Variants in CDC42BPA observed in about 807,000 individuals in gnomAD.
CDC42BPA encodes the protein CDC42 binding protein kinase alpha.
A neutral mutation model predicts 223.5 loss-of-function variants in CDC42BPA; 80 were observed. The ratio of observed to expected loss-of-function variants is 0.36; its 90% CI spans 0.30 to 0.43. The LOEUF (loss-of-function observed/expected upper bound fraction) is 0.43, where lower values mean the gene tolerates loss of function less well. CDC42BPA is among the 20% of genes least tolerant of loss of function. The pLI, the probability that CDC42BPA is intolerant of heterozygous loss-of-function variation, is 1.00. For missense variants in CDC42BPA, 1,743 were observed against 2,099.9 expected, an observed-to-expected ratio of 0.83 and a Z score of 3.32; for synonymous variants, 694 against 718.6, an observed-to-expected ratio of 0.97 and a Z score of 0.55.
At chr1:227,268,304 C>CA (rs1466553556) in intron 1 of CDC42BPA, among the ~76,000 whole-genome samples, 2 of 152,078 alleles carry the variant, frequency 1.3e-5, no homozygotes, top group African/African-American at 4.8e-5. Context: ...CGGTGCAGCT[C>CA]ACAAAGCCAA....
In CDC42BPA at chr1:227,091,953, T is replaced by C. The variant is rs1476930195; in HGVS notation, c.2288A>G (p.Gln763Arg). The C allele has an allele frequency of 3.1e-6, 5 of 1,607,832 alleles. No individual in the cohort carries two copies. Among genetic ancestry groups the C allele is most frequent in the Admixed American group, 1.7e-5 (1 of 58,668 alleles). The change falls in exon 16 of 37, where the codon CAA (glutamine) becomes CGA (arginine). Residue 763 changes from glutamine (Q) to arginine (R), a missense_variant. Coordinates refer to ENST00000366766, the MANE Select transcript of CDC42BPA (RefSeq NM_001394014.1). ...CAACACTTTTTCTCGTTCATATTGT[T>C]GTTTGAACTCACTTTCAAATTCCTC... ...EREEFESEFK[Q>R]QYEREKVLLT...
intron 2 of CDC42BPA, among the ~76,000 whole-genome samples, chr1:227,229,898 T>C (rs1293061276): frequency 6.6e-6 from 1 of 152,230 alleles, no homozygotes; most frequent in African/African-American, 2.4e-5. Flanking sequence ...TTCAGAAGTT[T>C]TACTGATTAT....
At chr1:227,165,434 A>G (rs1664862966) in intron 5 of CDC42BPA, among the ~76,000 whole-genome samples, 1 of 151,776 alleles carries the variant, frequency 6.6e-6, no homozygotes, top group East Asian at 1.9e-4. Flanking sequence ...GGCATTTAGT[A>G]CACATAAAAG....
At position 227,145,689 on chromosome 1, in the gene CDC42BPA, T is replaced by C. The variant is rs753888930; in HGVS notation, c.943A>G (p.Lys315Glu). ...CAAATGAGCCTTCGAATAAGATCCTTAGCATTTTCAGACACATCAGTCACT... is the reference window on the plus strand; with the variant it reads ...CAAATGAGCCTTCGAATAAGATCCTCAGCATTTTCAGACACATCAGTCACT... ...AQVTDVSENA[K>E]DLIRRLICSR... The change falls in exon 8 of 37, where the codon AAG (lysine) becomes GAG (glutamate). Residue 315 changes from lysine (K) to glutamate (E), a missense_variant. Transcript: ENST00000366766. 1.2e-6 allele frequency: 2 copies of C among 1,613,670 alleles called. No individual in the cohort carries two copies. Among genetic ancestry groups the C allele is most frequent in the South Asian group, 2.2e-5 (2 of 91,068 alleles).
At chr1:227,313,849 AAC>A (rs61127281) in intron 1 of CDC42BPA, among the ~76,000 whole-genome samples, 22,743 of 152,074 alleles carry the variant, frequency 0.15, 2,040 homozygotes, top group African/African-American at 0.24. Flanking sequence ...AAATTTATTA[AAC>A]AGACTATTTT....
rs34787332 is a variant in CDC42BPA, at chr1:227,230,816, C to CTTTTTTTTTTTTTTTTTTT, written c.271-17598_271-17597insAAAAAAAAAAAAAAAAAAA. Among the ~76,000 whole-genome samples, 66 of 54,054 alleles carry CTTTTTTTTTTTTTTTTTTT rather than the reference C, an allele frequency of 1.2e-3. 7 individuals are homozygous for CTTTTTTTTTTTTTTTTTTT. Among genetic ancestry groups the CTTTTTTTTTTTTTTTTTTT allele is most frequent in the Non-Finnish European group, 1.5e-3 (38 of 26,050 alleles). The allele number at this position is 54,054 out of a possible 152,430, so 35.5% of individuals were successfully genotyped here. Reference sequence around the variant, plus strand: ...ACTGATTTCTATTTCTTTTTTCTTTCTTTCTTTTTTTTTTTTTTTTTTTGA... The same window carrying CTTTTTTTTTTTTTTTTTTT: ...ACTGATTTCTATTTCTTTTTTCTTTCTTTTTTTTTTTTTTTTTTTTTTCTTTTTTTTTTTTTTTTTTTGA... On this transcript the variant is annotated intron_variant, in intron 2 of 36. Coordinates refer to ENST00000366766, the MANE Select transcript of CDC42BPA (RefSeq NM_001394014.1).
chr1:227,113,909 C>T (rs77464064), intron 12 of CDC42BPA, among the ~76,000 whole-genome samples: 8,787 of 147,852 alleles, frequency 0.059, 258 homozygotes, highest in Non-Finnish European at 0.072. Flanking sequence ...CACCTATAGT[C>T]GTAGCTACTA....
At chr1:227,296,797 C>T (rs1490928867) in intron 1 of CDC42BPA, among the ~76,000 whole-genome samples, 2 of 147,376 alleles carry the variant, frequency 1.4e-5, no homozygotes, top group Non-Finnish European at 3.0e-5. Context: ...AAATATCACA[C>T]CAAAAGCACA....
intron 29 of CDC42BPA, among the ~76,000 whole-genome samples, chr1:227,029,457 G>A (rs1299072780): frequency 6.6e-6 from 1 of 152,138 alleles, no homozygotes; most frequent in Non-Finnish European, 1.5e-5. Context: ...TGAGATTTCT[G>A]GCAGCCAAGG....
intron 34 of CDC42BPA, among the ~76,000 whole-genome samples, chr1:227,011,283 T>A (rs1388644142): frequency 1.3e-5 from 2 of 152,218 alleles, no homozygotes; most frequent in East Asian, 3.8e-4. Context: ...ATAAAATTAT[T>A]CTTTAATTAA....
intron 4 of CDC42BPA, among the ~76,000 whole-genome samples, chr1:227,198,030 A>C (rs1289762310): frequency 6.6e-6 from 1 of 152,218 alleles, no homozygotes; most frequent in Non-Finnish European, 1.5e-5. Context: ...ACTATAACCC[A>C]CAATAATATA....
chr1:227,171,498 T>C (rs1666095525), intron 5 of CDC42BPA, among the ~76,000 whole-genome samples: 1 of 152,072 alleles, frequency 6.6e-6, no homozygotes, highest in Non-Finnish European at 1.5e-5. Context: ...GCGCTAGTGG[T>C]CCCAGCTACC....
intron 21 of CDC42BPA, chr1:227,068,716 C>A: frequency 2.7e-6 from 3 of 1,096,370 alleles, no homozygotes; most frequent in South Asian, 1.7e-5. Flanking sequence ...TTAACGAATA[C>A]AGCAATAAAA....
At chr1:227,189,670 C>G (rs1252785509) in intron 5 of CDC42BPA, among the ~76,000 whole-genome samples, 2 of 152,048 alleles carry the variant, frequency 1.3e-5, no homozygotes, top group African/African-American at 4.8e-5. Context: ...TTATTCGTAC[C>G]ATTTGCTATT....
chr1:227,203,170 T>A (rs776459054), intron 3 of CDC42BPA, among the ~76,000 whole-genome samples: 1 of 152,166 alleles, frequency 6.6e-6, no homozygotes. Flanking sequence ...AGACAGCATA[T>A]GATTTTATCC....
chr1:227,307,191 C>T (rs1692708636), intron 1 of CDC42BPA, among the ~76,000 whole-genome samples: 1 of 152,202 alleles, frequency 6.6e-6, no homozygotes, highest in African/African-American at 2.4e-5. Context: ...TCAAGTCTCA[C>T]TGTCCTTTCT....
intron 21 of CDC42BPA, among the ~76,000 whole-genome samples, chr1:227,059,015 A>T: frequency 6.6e-6 from 1 of 152,164 alleles, no homozygotes; most frequent in East Asian, 1.9e-4. Flanking sequence ...AAAATCTCTA[A>T]GAAACAATCT....
intron 5 of CDC42BPA, among the ~76,000 whole-genome samples, chr1:227,163,342 A>T (rs1304407341): frequency 2.0e-5 from 3 of 152,094 alleles, no homozygotes; most frequent in Non-Finnish European, 4.4e-5. Context: ...ATTGTTGCCC[A>T]TTTTTATTTT....
intron 8 of CDC42BPA, among the ~76,000 whole-genome samples, chr1:227,143,986 TTAATTATTCTTTGTGA>T (rs1660193885): frequency 6.6e-6 from 1 of 152,182 alleles, no homozygotes; most frequent in Non-Finnish European, 1.5e-5. Context: ...AGAAGTCAGT[TTAATTATTCTTTGTGA>T]AGTTTAGACA....
Sources: gnomAD v4.1 joint callset for allele counts (sites outside exome capture counted in the v4.1 genomes callset) on GRCh38, gnomAD v4.1.1 for gene constraint, MANE v1.5 for transcripts, NCBI Gene and HGNC (gene_info 2026-07-23, HGNC 2026-07-21) for gene names.